The following PDE4D variants were observed in gnomAD, a reference collection of about 807,000 sequenced individuals.
PDE4D encodes the protein phosphodiesterase 4D.
A neutral mutation model predicts 87.4 loss-of-function variants in PDE4D; 24 were observed. The ratio of observed to expected loss-of-function variants is 0.27; its 90% CI spans 0.20 to 0.39. The LOEUF is 0.39. PDE4D is among the 10% of genes least tolerant of loss of function. The probability of loss-of-function intolerance (pLI) is 1.00; values close to 1 mark genes in which losing one functional copy is unlikely to be tolerated. For missense variants in PDE4D, 714 were observed against 1,041.0 expected (o/e 0.69, Z 4.32); for synonymous variants, 384 against 383.2 (o/e 1.00, Z -0.02).
intron 1 of PDE4D, among the ~76,000 whole-genome samples, chr5:59,549,589 T>C (rs1053024282): frequency 3.3e-5 from 5 of 152,154 alleles, no homozygotes; most frequent in African/African-American, 1.2e-4. Context: ...AAATGGTAGA[T>C]GAAACATGAA....
chr5:60,315,192 A>T (rs909822784), intron 1 of PDE4D, among the ~76,000 whole-genome samples: 4 of 152,132 alleles, frequency 2.6e-5, no homozygotes, highest in African/African-American at 9.7e-5. Flanking sequence ...CTGGTGTGAG[A>T]TGGTATCTCA....
intron 2 of PDE4D, among the ~76,000 whole-genome samples, chr5:59,990,918 C>T (rs565004409): frequency 3.9e-4 from 60 of 152,200 alleles, no homozygotes; most frequent in Non-Finnish European, 7.6e-4. Flanking sequence ...ATTGATCACC[C>T]TACATGTCAG....
intron 1 of PDE4D, among the ~76,000 whole-genome samples, chr5:59,797,618 T>C (rs1348646130): frequency 6.6e-6 from 1 of 152,126 alleles, no homozygotes; most frequent in African/African-American, 2.4e-5. Flanking sequence ...GGGCTGCTGA[T>C]ATTAATAACA....
intron 1 of PDE4D, among the ~76,000 whole-genome samples, chr5:60,424,018 C>T (rs1406792778): frequency 6.6e-6 from 1 of 152,154 alleles, no homozygotes; most frequent in Non-Finnish European, 1.5e-5. Context: ...AGATCAATAA[C>T]AGGCTCTGAA....
rs1424039410 is a variant in PDE4D at position 59,318,738 on chromosome 5, C to A, written c.456-102770G>T. ...TAATAGGCAAGATTTTTTTTAACTT[C>A]TTTTTTCACAATCTCTGGATGCATG... is the stretch of plus-strand genomic sequence containing the variant. On this transcript the variant is annotated intron_variant, in intron 1 of 14. Transcript: ENST00000340635. Among the ~76,000 whole-genome samples the A allele has an allele frequency of 2.6e-5, 4 of 151,812 alleles. No individual in the cohort carries two copies. In the East Asian group the frequency reaches 7.8e-4, roughly 29 times the overall value.
intron 2 of PDE4D, among the ~76,000 whole-genome samples, chr5:60,031,424 C>A (rs547537482): frequency 6.6e-6 from 1 of 152,176 alleles, no homozygotes; most frequent in South Asian, 2.1e-4. Flanking sequence ...AAAAGCCAAG[C>A]ACACACAAGG....
In PDE4D at chr5:59,653,208, A is replaced by ATTTT. The variant is rs555841091; in HGVS notation, c.455+239956_455+239959dup. On this transcript the variant is annotated intron_variant, in intron 1 of 14. Coordinates refer to ENST00000340635, the MANE Select transcript of PDE4D (RefSeq NM_001104631.2). ...TCAAATAATGTTAGCAAAAAAAAAA[A>ATTTT]TTTTTTTTTTTTTTTTTAGACAGAG... Among the ~76,000 whole-genome samples the ATTTT allele has an allele frequency of 4.5e-3, 567 of 125,710 alleles. 84 individuals carry two copies. The highest frequency in any genetic ancestry group is 0.03 in the Middle Eastern group (7 of 236). 82.5% of individuals were successfully genotyped at this position (125,710 alleles called of 152,430 possible). A position where few individuals can be genotyped will look rare whatever the true frequency, so the allele number is the denominator to read the frequency against.
chr5:59,450,441 A>T (rs1280822907), intron 1 of PDE4D, among the ~76,000 whole-genome samples: 1 of 152,190 alleles, frequency 6.6e-6, no homozygotes, highest in Non-Finnish European at 1.5e-5. Context: ...CACTGTGTCC[A>T]TCTAGTGGCC....
intron 6 of PDE4D, among the ~76,000 whole-genome samples, chr5:59,025,942 G>A (rs1210599687): frequency 6.6e-6 from 1 of 152,240 alleles, no homozygotes; most frequent in Non-Finnish European, 1.5e-5. Flanking sequence ...AAAGCCAGAG[G>A]CTGTCCCTAT....
At chr5:59,487,146 G>C (rs11952011) in intron 1 of PDE4D, among the ~76,000 whole-genome samples, 27,692 of 152,008 alleles carry the variant, frequency 0.18, 3,300 homozygotes, top group Non-Finnish European at 0.26. Context: ...TATGGAGATG[G>C]GGGAGAAACA....
intron 1 of PDE4D, among the ~76,000 whole-genome samples, chr5:60,390,964 T>C (rs1762523207): frequency 1.3e-5 from 2 of 152,150 alleles, no homozygotes. Context: ...AAACCTAATA[T>C]AAACATGCAC....
chr5:59,092,965 CTTCT>C (rs145958981), intron 5 of PDE4D, among the ~76,000 whole-genome samples: 9,657 of 152,176 alleles, frequency 0.063, 1,051 homozygotes, highest in African/African-American at 0.22. Context: ...GCCTGCTTAT[CTTCT>C]TTCTCTTTTA....
chr5:60,433,692 C>T (rs190137993), intron 1 of PDE4D, among the ~76,000 whole-genome samples: 1 of 152,152 alleles, frequency 6.6e-6, no homozygotes, highest in Non-Finnish European at 1.5e-5. Flanking sequence ...CAACATTAGA[C>T]TGAATAAAGA....
intron 1 of PDE4D, among the ~76,000 whole-genome samples, chr5:59,589,417 G>T (rs1175716040): frequency 6.6e-6 from 1 of 152,144 alleles, no homozygotes; most frequent in Non-Finnish European, 1.5e-5. Flanking sequence ...ATCTGGAAGA[G>T]AATTCAAATT....
At position 60,197,148 on chromosome 5, in the gene PDE4D, AAG is replaced by A. The variant is rs1741375003; in HGVS notation, c.-89-11463_-89-11462del. ...AGATTAGATAGGAATAGGTAGCTGA[AAG>A]AGAGAAGGAAAGGTGAGAGTGAGGA... On this transcript the variant is annotated intron_variant, in intron 1 of 16. Transcript: ENST00000502484. Among the ~76,000 whole-genome samples the A allele has an allele frequency of 2.0e-5, 3 of 151,368 alleles. No homozygotes were observed. The South Asian group carries it at 6.2e-4, about 32-fold the overall frequency.
At chr5:59,894,818 A>T (rs549936678), upstream of PDE4D, among the ~76,000 whole-genome samples, 1 of 152,342 alleles carries the variant, frequency 6.6e-6, no homozygotes, top group South Asian at 2.1e-4. Flanking sequence ...GTCTTCCTTT[A>T]ATTAGCATTT....
At chr5:59,060,465 A>G (rs1762965581) in intron 5 of PDE4D, among the ~76,000 whole-genome samples, 1 of 152,096 alleles carries the variant, frequency 6.6e-6, no homozygotes, top group African/African-American at 2.4e-5. Flanking sequence ...TTTTTGTGTC[A>G]TATATCTGTT....
chr5:59,637,418 A>C (rs1257655981), intron 1 of PDE4D, among the ~76,000 whole-genome samples: 1 of 152,162 alleles, frequency 6.6e-6, no homozygotes, highest in Non-Finnish European at 1.5e-5. Context: ...AAGGATTATA[A>C]ATCATTCTAC....
In PDE4D at chr5:59,689,533, A is replaced by T. The variant is rs373957636; in HGVS notation, c.455+203635T>A. Among the ~76,000 whole-genome samples, 25 of 152,294 alleles carry T rather than the reference A, an allele frequency of 1.6e-4. No homozygotes were observed. The East Asian group carries it at 2.1e-3, about 13-fold the overall frequency. On this transcript the variant is annotated intron_variant, in intron 1 of 14. Coordinates refer to ENST00000340635, the MANE Select transcript of PDE4D (RefSeq NM_001104631.2). ...CAAAATTCAACAACCCTTCATGCTA[A>T]AAACTCTCAATAAACTAGGCATTGA...
Sources: allele counts gnomAD v4.1 joint callset (sites outside exome capture counted in the v4.1 genomes callset), GRCh38; gene constraint gnomAD v4.1.1; transcripts MANE v1.5; gene names NCBI Gene and HGNC (gene_info 2026-07-23, HGNC 2026-07-21).